HHLA2: variants seen among roughly 807,000 people sequenced by gnomAD.
HHLA2 encodes HERV-H LTR-associating protein 2.
HHLA2 carries 48 observed loss-of-function variants against 45.9 expected under a neutral mutation model. The ratio of observed to expected loss-of-function variants is 1.05; its 90% CI spans 0.83 to 1.33. The LOEUF is 1.33. Ranked by LOEUF, HHLA2 falls within the 40% of genes most tolerant of loss-of-function variation. The pLI, the probability that HHLA2 is intolerant of heterozygous loss-of-function variation, is 0.00. For missense variants in HHLA2, 462 were observed against 494.3 expected (o/e 0.93, Z 0.62); for synonymous variants, 161 against 173.9 (o/e 0.93, Z 0.59).
chr3:108,310,489 A>C (rs2081001073), intron 1 of HHLA2, among the ~76,000 whole-genome samples, 166 bp from the exon 2 acceptor site: 1 of 152,184 alleles, frequency 6.6e-6, no homozygotes. Context: ...GGCAAGTCAG[A>C]GTAATTCATT....
At chr3:108,376,940 T>A (rs2082286334) in intron 10 of HHLA2, 1 of 361,530 alleles carries the variant, frequency 2.8e-6, no homozygotes, top group Non-Finnish European at 5.1e-6. Context: ...AGTTTGATTG[T>A]ATACTTCCTT....
chr3:108,376,888 A>G (rs62267990), intron 10 of HHLA2: 14,676 of 339,462 alleles, frequency 0.043, 430 homozygotes, highest in Non-Finnish European at 0.053. Flanking sequence ...GGGATTGTAT[A>G]CAAGTGGAAA....
intron 3 of HHLA2, among the ~76,000 whole-genome samples, chr3:108,340,139 G>A (rs1006559327): frequency 6.6e-6 from 1 of 152,138 alleles, no homozygotes; most frequent in Admixed American, 6.6e-5. Context: ...GAGGGCTAAG[G>A]TTTAGGGAAA....
At chr3:108,311,354 C>T (rs2081015329) in intron 2 of HHLA2, among the ~76,000 whole-genome samples, 1 of 152,104 alleles carries the variant, frequency 6.6e-6, no homozygotes, top group Non-Finnish European at 1.5e-5. Context: ...TTATTTAGTG[C>T]ACAGTGAAAT....
intron 8 of HHLA2, among the ~76,000 whole-genome samples, chr3:108,372,262 T>C (rs1266088756): frequency 1.3e-5 from 2 of 152,108 alleles, no homozygotes; most frequent in African/African-American, 2.4e-5. Flanking sequence ...GAAATAAAGA[T>C]GTTCTTTGAA....
intron 10 of HHLA2, 106 bp downstream of exon 9, chr3:108,376,663 T>A: frequency 3.0e-6 from 3 of 989,062 alleles, no homozygotes; most frequent in Admixed American, 2.5e-5. Flanking sequence ...AAGACTTTTA[T>A]ACAGAAAAAA....
intron 4 of HHLA2, 63 bp from the exon 4 acceptor site, chr3:108,353,364 G>C: frequency 9.3e-7 from 1 of 1,076,456 alleles, no homozygotes; most frequent in Non-Finnish European, 1.3e-6. Context: ...GGTAGTTCTG[G>C]TATAATCCTG....
chr3:108,298,616 G>A (rs747120700), intron 1 of HHLA2, among the ~76,000 whole-genome samples: 6 of 152,208 alleles, frequency 3.9e-5, no homozygotes, highest in Non-Finnish European at 7.3e-5. Context: ...CAGAGATAAT[G>A]TACTGTATTG....
At chr3:108,326,159 G>T in intron 2 of HHLA2, 1 of 236,942 alleles carries the variant, frequency 4.2e-6, no homozygotes. Context: ...GTGGTTACCT[G>T]GTCTCTGAAG....
intron 2 of HHLA2, among the ~76,000 whole-genome samples, chr3:108,314,005 A>G (rs1257080469): frequency 2.6e-5 from 4 of 152,294 alleles, no homozygotes; most frequent in African/African-American, 9.6e-5. Flanking sequence ...ACTATGATCA[A>G]TTTACAGAGG....
At chr3:108,299,609 A>C (rs1201078761) in intron 1 of HHLA2, among the ~76,000 whole-genome samples, 1 of 152,122 alleles carries the variant, frequency 6.6e-6, no homozygotes, top group African/African-American at 2.4e-5. Flanking sequence ...GAGTGGAGTA[A>C]AAGTAACTAG....
At chr3:108,345,414 G>C (rs1401148230) in intron 3 of HHLA2, among the ~76,000 whole-genome samples, 1 of 152,246 alleles carries the variant, frequency 6.6e-6, no homozygotes, top group East Asian at 1.9e-4. Context: ...CTTTGTAGGT[G>C]ATTAACTGCA....
At chr3:108,362,519 C>G in intron 8 of HHLA2, 73 bp downstream of exon 7, 1 of 957,454 alleles carries the variant, frequency 1.0e-6, no homozygotes, top group Non-Finnish European at 1.6e-6. Flanking sequence ...GAAATACATG[C>G]CCAAACAGCT....
intron 3 of HHLA2, among the ~76,000 whole-genome samples, chr3:108,329,290 T>A (rs759690271): frequency 6.6e-6 from 1 of 152,056 alleles, no homozygotes; most frequent in Non-Finnish European, 1.5e-5. Flanking sequence ...AACATGGCCT[T>A]GGAGGAAAAG....
exon 5 of HHLA2, chr3:108,353,715 T>G: frequency 1.2e-6 from 2 of 1,613,584 alleles, no homozygotes; most frequent in South Asian, 2.2e-5. Context: ...GACGAAGGAA[T>G]TTACACCTGC....
intron 2 of HHLA2, among the ~76,000 whole-genome samples, chr3:108,319,151 G>A (rs1005739952): frequency 6.6e-6 from 1 of 152,070 alleles, no homozygotes; most frequent in Non-Finnish European, 1.5e-5. Flanking sequence ...CAGAATATGA[G>A]GGCCTGGGTG....
At chr3:108,305,478 C>T (rs1399318636) in intron 1 of HHLA2, among the ~76,000 whole-genome samples, 3 of 152,184 alleles carry the variant, frequency 2.0e-5, no homozygotes, top group East Asian at 1.9e-4. Flanking sequence ...CAGATCTAGT[C>T]GTTCCTGTTG....
chr3:108,308,154 C>T (rs956102027), intron 1 of HHLA2, among the ~76,000 whole-genome samples: 6 of 152,268 alleles, frequency 3.9e-5, no homozygotes, highest in South Asian at 4.1e-4. Flanking sequence ...CCACCTTCCC[C>T]GCAACCACCA....
At chr3:108,358,096 G>A in exon 7 of HHLA2, 1 of 1,613,324 alleles carries the variant, frequency 6.2e-7, no homozygotes, top group Non-Finnish European at 8.5e-7. Context: ...TCAGACAGTG[G>A]GGAATATTTA....
Sources: allele counts gnomAD v4.1 joint callset (sites outside exome capture counted in the v4.1 genomes callset), GRCh38; gene constraint gnomAD v4.1.1; transcripts MANE v1.5; gene names NCBI Gene and HGNC (gene_info 2026-07-23, HGNC 2026-07-21).